KCTD16: variants seen among roughly 807,000 people sequenced by gnomAD.
KCTD16 encodes the protein potassium channel tetramerization domain containing 16, also known as BTB/POZ domain-containing protein KCTD16.
In KCTD16, 13 loss-of-function variants were observed where a neutral mutation model predicts 33.2. The ratio of observed to expected loss-of-function variants is 0.39; its 90% CI spans 0.25 to 0.62. The LOEUF (loss-of-function observed/expected upper bound fraction) is 0.62. KCTD16 is among the 20% of genes least tolerant of loss of function. The pLI, the probability that KCTD16 is intolerant of heterozygous loss-of-function variation, is 0.50. For synonymous variants in KCTD16, 197 were observed against 195.3 expected, an observed-to-expected ratio of 1.01 and a Z score of -0.07; for missense variants, 441 against 525.1, an observed-to-expected ratio of 0.84 and a Z score of 1.57.
intron 3 of KCTD16, among the ~76,000 whole-genome samples, chr5:144,299,094 A>ATATTTT (rs1561558328): frequency 6.0e-5 from 1 of 16,566 alleles, no homozygotes; most frequent in Non-Finnish European, 1.2e-4. Flanking sequence ...ATATATCACT[A>ATATTTT]TGTATATATA....
chr5:144,397,049 A>G (rs1458974215), intron 3 of KCTD16, among the ~76,000 whole-genome samples: 2 of 149,602 alleles, frequency 1.3e-5, no homozygotes, highest in African/African-American at 2.5e-5. Context: ...CATTAGGTAT[A>G]TCTCCTAATG....
chr5:144,348,301 G>A (rs1752857579), intron 3 of KCTD16, among the ~76,000 whole-genome samples: 1 of 151,738 alleles, frequency 6.6e-6, no homozygotes, highest in African/African-American at 2.4e-5. Flanking sequence ...TTTGAGATAT[G>A]GCTGGCCTTA....
chr5:144,366,401 C>G (rs571378223), intron 3 of KCTD16, among the ~76,000 whole-genome samples: 1 of 152,164 alleles, frequency 6.6e-6, no homozygotes, highest in African/African-American at 2.4e-5. Context: ...CCTTTTCTCC[C>G]CTGACATCCT....
intron 3 of KCTD16, among the ~76,000 whole-genome samples, chr5:144,276,039 A>G (rs1755429067): frequency 6.6e-6 from 1 of 152,176 alleles, no homozygotes; most frequent in Admixed American, 6.5e-5. Flanking sequence ...GGTGCTCTTC[A>G]TTGGAACTTT....
chr5:144,239,556 A>G (rs929874743), intron 3 of KCTD16, among the ~76,000 whole-genome samples: 1 of 152,230 alleles, frequency 6.6e-6, no homozygotes, highest in Non-Finnish European at 1.5e-5. Flanking sequence ...ACAGGCCTCT[A>G]AATTCCTAAT....
At chr5:144,439,217 A>G (rs759266041) in intron 3 of KCTD16, 11 of 206,086 alleles carry the variant, frequency 5.3e-5, no homozygotes, top group South Asian at 3.0e-4. Flanking sequence ...TATCGCATAA[A>G]TAAATTTACT....
intron 1 of KCTD16, 124 bp downstream of exon 1, chr5:144,171,133 T>C (rs991552219): frequency 6.6e-6 from 1 of 152,222 alleles, no homozygotes; most frequent in Non-Finnish European, 1.5e-5. Flanking sequence ...AAATATAAGC[T>C]AGGTGACATC....
chr5:144,198,646 T>C (rs1349561041), intron 2 of KCTD16, among the ~76,000 whole-genome samples: 2 of 152,352 alleles, frequency 1.3e-5, no homozygotes, highest in South Asian at 4.1e-4. Flanking sequence ...GCTGAATCAC[T>C]GTAAAATGAT....
chr5:144,410,900 C>T (rs1356588518), intron 3 of KCTD16, among the ~76,000 whole-genome samples: 2 of 152,132 alleles, frequency 1.3e-5, no homozygotes, highest in Non-Finnish European at 2.9e-5. Context: ...TGGGGGCTAT[C>T]GTTCCCTACC....
chr5:144,395,759 G>A (rs1362192971), intron 3 of KCTD16, among the ~76,000 whole-genome samples: 1 of 152,166 alleles, frequency 6.6e-6, no homozygotes, highest in Admixed American at 6.5e-5. Flanking sequence ...TCTGGACCAT[G>A]GGAGGCCATC....
At chr5:144,461,025 A>C (rs1754182414) in intron 3 of KCTD16, among the ~76,000 whole-genome samples, 1 of 152,192 alleles carries the variant, frequency 6.6e-6, no homozygotes, top group South Asian at 2.1e-4. Context: ...GTGGGATCTT[A>C]CTTTCCAGGA....
At chr5:144,460,068 G>A (rs969358844) in intron 3 of KCTD16, among the ~76,000 whole-genome samples, 111 of 151,500 alleles carry the variant, frequency 7.3e-4, no homozygotes, top group African/African-American at 2.5e-3. Context: ...TCCTGACCTC[G>A]TGATCCGCCC....
At chr5:144,405,316 A>T (rs577777286) in intron 3 of KCTD16, among the ~76,000 whole-genome samples, 23 of 152,332 alleles carry the variant, frequency 1.5e-4, no homozygotes, top group African/African-American at 5.3e-4. Flanking sequence ...ATGGTTTCCT[A>T]CAAACCATAT....
intron 3 of KCTD16, among the ~76,000 whole-genome samples, chr5:144,441,695 T>C (rs1177065570): frequency 1.3e-5 from 2 of 152,078 alleles, no homozygotes; most frequent in Non-Finnish European, 2.9e-5. Context: ...TATCCTTATG[T>C]AGTACCACAC....
chr5:144,310,910 G>A (rs1232851122), intron 3 of KCTD16, among the ~76,000 whole-genome samples: 2 of 152,088 alleles, frequency 1.3e-5, no homozygotes, highest in Non-Finnish European at 2.9e-5. Flanking sequence ...TCTGAGGAGC[G>A]GGAAAATACA....
intron 3 of KCTD16, among the ~76,000 whole-genome samples, chr5:144,378,564 C>A (rs1047431039): frequency 3.3e-5 from 5 of 152,124 alleles, no homozygotes; most frequent in African/African-American, 1.2e-4. Context: ...GGCCAATATG[C>A]AGGGCTACTT....
intron 3 of KCTD16, among the ~76,000 whole-genome samples, chr5:144,406,759 G>C (rs1045878089): frequency 9.9e-5 from 15 of 152,172 alleles, no homozygotes; most frequent in African/African-American, 3.4e-4. Context: ...AATGGAAAAG[G>C]CTGAAGATTC....
chr5:144,224,753 G>A (rs577708414), intron 3 of KCTD16, among the ~76,000 whole-genome samples: 1 of 152,076 alleles, frequency 6.6e-6, no homozygotes, highest in Admixed American at 6.6e-5. Flanking sequence ...GTATGCTATG[G>A]TATATATTTA....
chr5:144,411,676 C>T (rs953451650), intron 3 of KCTD16, among the ~76,000 whole-genome samples: 9 of 151,938 alleles, frequency 5.9e-5, no homozygotes, highest in African/African-American at 1.5e-4. Context: ...AAGCAAAAAC[C>T]GGCAAATAGA....
Sources: gnomAD v4.1 joint callset for allele counts (sites outside exome capture counted in the v4.1 genomes callset) on GRCh38, gnomAD v4.1.1 for gene constraint, MANE v1.5 for transcripts, NCBI Gene and HGNC (gene_info 2026-07-23, HGNC 2026-07-21) for gene names.